POTEI: variants seen among roughly 807,000 people sequenced by gnomAD.
POTEI encodes the protein POTE ankyrin domain family, member I.
In POTEI, 14 loss-of-function variants were observed where a neutral mutation model predicts 43.4. The ratio of observed to expected loss-of-function variants is 0.32; its 90% confidence interval spans 0.21 to 0.50. The LOEUF (loss-of-function observed/expected upper bound fraction) is 0.50, where lower values mean the gene tolerates loss of function less well. Among genes scored for constraint, POTEI ranks in the 20% least tolerant of loss-of-function variants. POTEI has a pLI of 0.98. For missense variants in POTEI, 235 were observed against 795.4 expected, an observed-to-expected ratio of 0.30 and a Z score of 8.47; for synonymous variants, 95 against 297.9, an observed-to-expected ratio of 0.32 and a Z score of 7.01.
At chr2:130,477,855 G>A (rs924351455) in intron 10 of POTEI, among the ~76,000 whole-genome samples, 3 of 143,746 alleles carry the variant, frequency 2.1e-5, no homozygotes, top group Admixed American at 6.9e-5. Flanking sequence ...CCATGCAGCA[G>A]CAAGAGCGGG....
rs528763578 is a variant in POTEI at position 130,477,742 on chromosome 2, C to G, written c.1481-1041G>C. 1.8e-4 allele frequency among the ~76,000 whole-genome samples: 25 copies of G among 139,714 alleles called. 2 individuals carry two copies. Among genetic ancestry groups the G allele is most frequent in the African/African-American group, 7.2e-4 (25 of 34,746 alleles). The allele number at this position is 139,714 out of a possible 152,430, so 91.7% of individuals were successfully genotyped here. A position where few individuals can be genotyped will look rare whatever the true frequency, so the allele number is the denominator to read the frequency against. On this transcript the variant is annotated intron_variant, in intron 10 of 14. Coordinates refer to ENST00000451531, the MANE Select transcript of POTEI (RefSeq NM_001277406.2). ...GGGTTTAAAAAGAATTAAAATAAAG[C>G]CTGTCAGAGATGGCTTTTCTAGAAC...
At chr2:130,507,411 T>C (rs1198799014) in intron 1 of POTEI, among the ~76,000 whole-genome samples, 30 of 1,464 alleles carry the variant, frequency 0.02, no homozygotes, top group South Asian at 0.5. Flanking sequence ...TATGTGTATA[T>C]ATATGTATAT....
rs1684211136 is a variant in POTEI, at chr2:130,507,371, T to C, written c.521+1344A>G. Among the ~76,000 whole-genome samples, 3 of 10,280 alleles carry C rather than the reference T, an allele frequency of 2.9e-4. 1 individual carries two copies. The highest frequency in any genetic ancestry group is 4.2e-4 in the African/African-American group (3 of 7,170). The allele number at this position is 10,280 out of a possible 152,430, so 6.7% of individuals were successfully genotyped here. A position where few individuals can be genotyped will look rare whatever the true frequency, so the allele number is the denominator to read the frequency against. ...GTATATATATACACACACATATATATGTATATATACATATGTATATATATG... is the reference window on the plus strand; with the variant it reads ...GTATATATATACACACACATATATACGTATATATACATATGTATATATATG... On this transcript the variant is annotated intron_variant, in intron 1 of 14. Transcript: ENST00000451531.
intron 1 of POTEI, among the ~76,000 whole-genome samples, chr2:130,507,358 A>G (rs1684209559): frequency 1.3e-5 from 1 of 74,248 alleles, no homozygotes; most frequent in South Asian, 5.3e-4. Flanking sequence ...ATATATATAC[A>G]CACACATATA....
intron 10 of POTEI, among the ~76,000 whole-genome samples, chr2:130,477,141 T>C (rs1287137453): frequency 6.6e-6 from 1 of 151,496 alleles, no homozygotes; most frequent in East Asian, 1.9e-4. Context: ...ACAAATTTAT[T>C]TTCTTTTTTT....
intron 13 of POTEI, among the ~76,000 whole-genome samples, chr2:130,468,768 T>C (rs1682946736): frequency 6.6e-6 from 1 of 152,178 alleles, no homozygotes; most frequent in Non-Finnish European, 1.5e-5. Context: ...AAAATAGCAA[T>C]TTTTATTACT....
At position 130,460,083 on chromosome 2, in the gene POTEI, G is replaced by T. The variant is rs1167322434; in HGVS notation, c.*2733C>A. The T allele has an allele frequency of 6.6e-6, 1 of 150,668 alleles. No homozygotes were observed. Among genetic ancestry groups the T allele is most frequent in the Admixed American group, 6.6e-5 (1 of 15,230 alleles). 9.3% of individuals were successfully genotyped at this position (150,668 alleles called of 1,614,324 possible). On this transcript the variant is annotated 3_prime_UTR_variant, in exon 15 of 15. Coordinates refer to ENST00000451531, the MANE Select transcript of POTEI (RefSeq NM_001277406.2). Reference sequence around the variant, plus strand: ...TGCAGGCTGGTGCGTGGCTCTAGGGGCCACCTTGCTGCAGCTCTCCACTGA... The same window carrying T: ...TGCAGGCTGGTGCGTGGCTCTAGGGTCCACCTTGCTGCAGCTCTCCACTGA...
At chr2:130,476,883 C>A (rs1481487382) in intron 10 of POTEI, among the ~76,000 whole-genome samples, 182 bp from the exon 11 acceptor site, 1 of 114,678 alleles carries the variant, frequency 8.7e-6, no homozygotes, top group Non-Finnish European at 1.7e-5. Context: ...GGGGAGATAC[C>A]AGATGTCACC....
chr2:130,460,579 C>G lies in POTEI; in HGVS notation c.*2237G>C, dbSNP rs1189278162. On this transcript the variant is annotated 3_prime_UTR_variant, in exon 15 of 15. Transcript: ENST00000451531. ...TTTGCTTGTTTCCTGGGTGCTCCAT[C>G]CCAGAGACATGTGAGTTAGCAATCA... 6.9e-6 allele frequency: 1 copy of G among 145,808 alleles called. No individual in the cohort carries two copies. The highest frequency in any genetic ancestry group is 2.6e-5 in the African/African-American group (1 of 39,038). 9.0% of individuals were successfully genotyped at this position (145,808 alleles called of 1,614,324 possible). A position where few individuals can be genotyped will look rare whatever the true frequency, so the allele number is the denominator to read the frequency against.
At position 130,508,835 on chromosome 2, in the gene POTEI, T is replaced by C. The variant is rs1257447092; in HGVS notation, c.401A>G (p.His134Arg). 2 of 1,545,670 alleles carry C rather than the reference T, an allele frequency of 1.3e-6. No homozygotes were observed. The highest frequency in any genetic ancestry group is 3.3e-5 in the African/African-American group (2 of 59,796). The change falls in exon 1 of 15, where the codon CAC becomes CGC. Residue 134 changes from histidine (H) to arginine (R), a missense_variant. By Grantham distance (29) the His-to-Arg change is conservative (BLOSUM62 0). Transcript: ENST00000451531. ...DDSAFVEPRY[H>R]VRREDLDKLH... ...CTTGTCCAGATCTTCTCGACGGACG[T>C]GGTATCTCGGCTCCACGAAGGCGCT... is the stretch of plus-strand genomic sequence containing the variant.
intron 9 of POTEI, among the ~76,000 whole-genome samples, chr2:130,482,419 T>G (rs201066503): frequency 6.6e-6 from 1 of 150,514 alleles, no homozygotes; most frequent in Non-Finnish European, 1.5e-5. Flanking sequence ...GCTTAATGTC[T>G]TCTTCTACAA....
chr2:130,507,273 GAT>G (rs1236673775), intron 1 of POTEI, among the ~76,000 whole-genome samples: 14 of 4,460 alleles, frequency 3.1e-3, no homozygotes, highest in African/African-American at 8.7e-3. Flanking sequence ...AAAAAAAAAG[GAT>G]ATATATATAT....
In POTEI at chr2:130,460,897, T is replaced by TCCAGTGGTGGGCTGGCTAGAGACCC. The variant is rs1216124286; in HGVS notation, c.*1894_*1918dup. On this transcript the variant is annotated 3_prime_UTR_variant, in exon 15 of 15. Transcript: ENST00000451531. Reference sequence around the variant, plus strand: ...GCAGAGTTGCTACTGGCTTGATAGCTCCAGTGGTGGGCTGGCTAGAGACCC... The same window carrying TCCAGTGGTGGGCTGGCTAGAGACCC: ...GCAGAGTTGCTACTGGCTTGATAGCTCCAGTGGTGGGCTGGCTAGAGACCCCCAGTGGTGGGCTGGCTAGAGACCC... 2.1e-5 allele frequency: 3 copies of TCCAGTGGTGGGCTGGCTAGAGACCC among 144,994 alleles called. No individual in the cohort carries two copies. The highest frequency in any genetic ancestry group is 3.0e-5 in the Non-Finnish European group (2 of 67,638). 9.0% of individuals were successfully genotyped at this position (144,994 alleles called of 1,614,324 possible).
At chr2:130,468,701 A>ATT (rs1553467547) in intron 13 of POTEI, among the ~76,000 whole-genome samples, 10 of 94,244 alleles carry the variant, frequency 1.1e-4, no homozygotes, top group Non-Finnish European at 2.1e-4. Context: ...AAGCCAAACT[A>ATT]TTGGGGGGGG....
chr2:130,468,858 A>C (rs1682951201), intron 13 of POTEI, among the ~76,000 whole-genome samples: 1 of 152,240 alleles, frequency 6.6e-6, no homozygotes, highest in African/African-American at 2.4e-5. Flanking sequence ...AGAAAAAGCT[A>C]GATTTGCCAG....
intron 9 of POTEI, among the ~76,000 whole-genome samples, chr2:130,486,829 G>C (rs1186917026): frequency 3.4e-5 from 4 of 117,618 alleles, no homozygotes; most frequent in African/African-American, 1.3e-4. Context: ...TGCAGAAAAA[G>C]CTGGCCAACT....
At chr2:130,469,173 C>A in intron 13 of POTEI, among the ~76,000 whole-genome samples, 1 of 131,226 alleles carries the variant, frequency 7.6e-6, no homozygotes. Flanking sequence ...CTATTATTAA[C>A]CAAGTCATCA....
At chr2:130,468,713 G>GT (rs1682943072) in intron 13 of POTEI, among the ~76,000 whole-genome samples, 5 of 147,064 alleles carry the variant, frequency 3.4e-5, no homozygotes, top group Non-Finnish European at 7.5e-5. Flanking sequence ...TGGGGGGGGG[G>GT]GTATCCTTAT....
Position 130,483,566 on chromosome 2 carries a change from GGCA to G in POTEI, c.1410-1496_1410-1494del. Among the ~76,000 whole-genome samples, 4 of 102,222 alleles carry G rather than the reference GGCA, an allele frequency of 3.9e-5. 1 individual carries two copies. The highest frequency in any genetic ancestry group is 1.6e-4 in the African/African-American group (4 of 24,320). The allele number at this position is 102,222 out of a possible 152,430, so 67.1% of individuals were successfully genotyped here. A position where few individuals can be genotyped will look rare whatever the true frequency, so the allele number is the denominator to read the frequency against. Reference sequence around the variant, plus strand: ...ATTTTAAAAATGCAGACAATTACCAGGCAAAACTGTTAGAAAGAACCATGTCAA... The same window carrying G: ...ATTTTAAAAATGCAGACAATTACCAGAAACTGTTAGAAAGAACCATGTCAA... On this transcript the variant is annotated intron_variant, in intron 9 of 14. Coordinates refer to ENST00000451531, the MANE Select transcript of POTEI (RefSeq NM_001277406.2).
Sources: allele counts gnomAD v4.1 joint callset (sites outside exome capture counted in the v4.1 genomes callset), GRCh38; gene constraint gnomAD v4.1.1; transcripts MANE v1.5; gene names NCBI Gene and HGNC (gene_info 2026-07-23, HGNC 2026-07-21).